Variants in PARP4 observed in about 807,000 individuals in gnomAD.
PARP4 encodes the protein protein mono-ADP-ribosyltransferase PARP4.
Under a neutral mutation model 187.7 loss-of-function variants are expected in PARP4, and 120 were observed. The observed-to-expected ratio is 0.64, with a 90% CI of 0.55 to 0.74. The LOEUF (loss-of-function observed/expected upper bound fraction) is 0.74, where lower values mean the gene tolerates loss of function less well. PARP4 is among the 30% of genes least tolerant of loss of function. The pLI, the probability that PARP4 is intolerant of heterozygous loss-of-function variation, is 0.00. For synonymous variants in PARP4, 654 were observed against 740.9 expected (o/e 0.88, Z 1.90); for missense variants, 1,836 against 2,070.5 (o/e 0.89, Z 2.20).
chr13:24,448,304 A>T (rs973522738), intron 25 of PARP4, among the ~76,000 whole-genome samples: 2 of 152,174 alleles, frequency 1.3e-5, no homozygotes, highest in Non-Finnish European at 2.9e-5. Context: ...GCTACTCTGG[A>T]GGCTGAGGTG....
At chr13:24,503,263 T>C (rs1171326117) in intron 2 of PARP4, among the ~76,000 whole-genome samples, 1 of 152,266 alleles carries the variant, frequency 6.6e-6, no homozygotes, top group African/African-American at 2.4e-5. Context: ...CTTACCAGTA[T>C]ATCACCCCAG....
chr13:24,496,794 G>A lies in PARP4; in HGVS notation c.591+1322C>T, dbSNP rs533178458. Among the ~76,000 whole-genome samples, 267 of 152,298 alleles carry A rather than the reference G, an allele frequency of 1.8e-3. 2 individuals are homozygous for A. The highest frequency in any genetic ancestry group is 6.1e-3 in the African/African-American group (252 of 41,560). ...AATCCCAGCACTTTGGGAGGCCAAG[G>A]CAAGCAGATCATGAGGTCAGGAGTT... is the stretch of plus-strand genomic sequence containing the variant. On this transcript the variant is annotated intron_variant, in intron 6 of 33. Transcript: ENST00000381989.
At chr13:24,497,972 C>T in intron 6 of PARP4, 144 bp downstream of exon 6, 1 of 516,226 alleles carries the variant, frequency 1.9e-6, no homozygotes. Flanking sequence ...GTTGTTTAAG[C>T]TCCCTAGCCT....
At chr13:24,439,578 T>C (rs1870812139) in intron 30 of PARP4, among the ~76,000 whole-genome samples, 1 of 152,198 alleles carries the variant, frequency 6.6e-6, no homozygotes, top group Non-Finnish European at 1.5e-5. Flanking sequence ...ATAACAATGT[T>C]TGCTATGTTA....
At chr13:24,488,822 C>T (rs1184489399) in intron 10 of PARP4, among the ~76,000 whole-genome samples, 1 of 152,108 alleles carries the variant, frequency 6.6e-6, no homozygotes, top group African/African-American at 2.4e-5. Context: ...GGCTGTCAGT[C>T]CCCAACCCTC....
At chr13:24,509,515 AAGAG>A (rs1214843573) in intron 1 of PARP4, among the ~76,000 whole-genome samples, 2 of 151,336 alleles carry the variant, frequency 1.3e-5, no homozygotes, top group Non-Finnish European at 2.9e-5. Flanking sequence ...AAAAAAAAAA[AAGAG>A]AGAAAAATTA....
intron 32 of PARP4, among the ~76,000 whole-genome samples, chr13:24,426,893 A>C: frequency 1.1e-4 from 1 of 8,948 alleles, no homozygotes; most frequent in Non-Finnish European, 3.1e-4. Context: ...CTCTGTCTCA[A>C]AAAAAAAAAA....
intron 17 of PARP4, among the ~76,000 whole-genome samples, chr13:24,461,805 G>T (rs907650756): frequency 6.6e-6 from 1 of 152,126 alleles, no homozygotes; most frequent in African/African-American, 2.4e-5. Flanking sequence ...CCAGAGCTGC[G>T]GGGAAGGGGC....
chr13:24,487,897 G>A (rs1401553113), intron 10 of PARP4, among the ~76,000 whole-genome samples: 6 of 152,158 alleles, frequency 3.9e-5, no homozygotes, highest in African/African-American at 1.4e-4. Context: ...TTATCTCAGG[G>A]TTGTCTTTGG....
intron 33 of PARP4, among the ~76,000 whole-genome samples, chr13:24,423,952 C>T (rs1216519123): frequency 2.0e-5 from 3 of 152,024 alleles, no homozygotes; most frequent in Non-Finnish European, 1.5e-5. Context: ...TGTGAGCCAC[C>T]GTGCCCAGCA....
At chr13:24,505,406 G>A (rs1316618773) in intron 1 of PARP4, among the ~76,000 whole-genome samples, 1 of 151,658 alleles carries the variant, frequency 6.6e-6, no homozygotes, top group Non-Finnish European at 1.5e-5. Flanking sequence ...AAGGGTTCTG[G>A]CCCTTATTCA....
chr13:24,421,976 G>T (rs3978794), intron 33 of PARP4, among the ~76,000 whole-genome samples: 2 of 151,598 alleles, frequency 1.3e-5, no homozygotes, highest in African/African-American at 2.4e-5. Context: ...AGTGAACAAG[G>T]GGCAACATAT....
intron 31 of PARP4, among the ~76,000 whole-genome samples, chr13:24,431,772 T>C (rs4770677): frequency 0.34 from 52,051 of 152,202 alleles, 9,063 homozygotes; most frequent in Middle Eastern, 0.39. Flanking sequence ...TTTATTACTG[T>C]AAAATAAAGT....
rs768103819 is a variant in PARP4 at position 24,490,752 on chromosome 13, G to T, written c.1130C>A (p.Ala377Asp). ...PNPPSLAKYR[A>D]LRCKIEHVEQ... Reference sequence around the variant, plus strand: ...AACATGCTCAATTTTGCACCTCAAAGCTCGGTATTTGGCCAGGGATGGTGG... The same window carrying T: ...AACATGCTCAATTTTGCACCTCAAATCTCGGTATTTGGCCAGGGATGGTGG... The change falls in exon 10 of 34, where the codon GCT (alanine) becomes GAT (aspartate). Residue 377 changes from alanine (A) to aspartate (D), a missense_variant. By Grantham distance (126) the Ala-to-Asp change is moderately radical. Around this residue, in one of 8 missense-constraint regions of PARP4, gnomAD observed 1,147 missense variants for 1,214.2 expected, o/e 0.94. Coordinates refer to ENST00000381989, the MANE Select transcript of PARP4 (RefSeq NM_006437.4). The T allele has an allele frequency of 1.1e-5, 18 of 1,614,010 alleles. No individual in the cohort carries two copies. Among genetic ancestry groups the T allele is most frequent in the Non-Finnish European group, 1.4e-5 (17 of 1,179,910 alleles).
intron 6 of PARP4, among the ~76,000 whole-genome samples, chr13:24,496,646 T>G (rs1593649729): frequency 6.6e-6 from 1 of 151,690 alleles, no homozygotes; most frequent in South Asian, 2.1e-4. Flanking sequence ...ACACTCAGAG[T>G]GGGAACAAAG....
intron 31 of PARP4, among the ~76,000 whole-genome samples, chr13:24,432,026 C>T (rs969236352): frequency 2.0e-5 from 3 of 152,186 alleles, no homozygotes; most frequent in African/African-American, 7.2e-5. Context: ...CATACCCGGC[C>T]GAGATTTTTT....
At chr13:24,504,370 G>A (rs560917835) in intron 1 of PARP4, among the ~76,000 whole-genome samples, 1 of 127,742 alleles carries the variant, frequency 7.8e-6, no homozygotes, top group East Asian at 2.5e-4. Flanking sequence ...CTGGAGTGCA[G>A]TGGTGCGATC....
In PARP4 at chr13:24,475,807, T is replaced by C. The variant is rs1190770783; in HGVS notation, c.1790-211A>G. On this transcript the variant is annotated intron_variant, in intron 14 of 33. Transcript: ENST00000381989. The stretch of plus-strand genomic sequence containing the variant: ...GCCTTCTGCCTTTTTTTTTTTGAGA[T>C]AGCATGTCACTCTGTCACCCAAGTG... 9.3e-5 allele frequency among the ~76,000 whole-genome samples: 14 copies of C among 150,526 alleles called. 1 individual carries two copies. Among genetic ancestry groups the C allele is most frequent in the African/African-American group, 3.2e-4 (13 of 40,956 alleles).
chr13:24,455,501 A>ATGTG (rs1322113496), intron 21 of PARP4, among the ~76,000 whole-genome samples: 2 of 139,992 alleles, frequency 1.4e-5, no homozygotes, highest in African/African-American at 5.3e-5. Context: ...ATATATATAT[A>ATGTG]TATATCACAC....
Sources: allele counts gnomAD v4.1 joint callset (sites outside exome capture counted in the v4.1 genomes callset), GRCh38; gene constraint gnomAD v4.1.1; regional missense constraint gnomAD v4.1.1; transcripts MANE v1.5; gene names NCBI Gene and HGNC (gene_info 2026-07-23, HGNC 2026-07-21).